The following DGKB variants were observed in gnomAD, a reference collection of about 807,000 sequenced individuals.
DGKB encodes diacylglycerol kinase beta.
Under a neutral mutation model 114.3 loss-of-function variants are expected in DGKB, and 67 were observed. The observed-to-expected ratio is 0.59, with a 90% CI of 0.48 to 0.72. The LOEUF (loss-of-function observed/expected upper bound fraction) is 0.72. Ranked by LOEUF, DGKB falls within the 30% of genes least tolerant of loss-of-function variation. The pLI is 0.00. For synonymous variants in DGKB, 398 were observed against 323.1 expected (o/e 1.23, Z -2.49); for missense variants, 907 against 975.2 (o/e 0.93, Z 0.93).
rs1252567876 is a variant in DGKB at position 14,148,348 on chromosome 7, T to C, written c.*783A>G. ...GTGGGAAACACATTGATTAGGCACA[T>C]AGTTTAAAACTTCTATTTCGTTATT... On this transcript the variant is annotated 3_prime_UTR_variant, in exon 26 of 26. Coordinates refer to ENST00000402815, the MANE Select transcript of DGKB (RefSeq NM_001350709.2). 1 of 152,614 alleles carries C rather than the reference T, an allele frequency of 6.6e-6. No homozygotes were observed. Among genetic ancestry groups the C allele is most frequent in the Non-Finnish European group, 1.5e-5 (1 of 68,030 alleles). The allele number at this position is 152,614 out of a possible 1,614,324, so 9.5% of individuals were successfully genotyped here.
intron 25 of DGKB, among the ~76,000 whole-genome samples, chr7:14,164,483 G>T (rs1784357254): frequency 6.6e-6 from 1 of 152,212 alleles, no homozygotes; most frequent in South Asian, 2.1e-4. Context: ...GGAGATTCAA[G>T]AGTTATGTAA....
intron 15 of DGKB, among the ~76,000 whole-genome samples, chr7:14,620,434 T>G (rs1031654512): frequency 4.0e-5 from 6 of 151,126 alleles, no homozygotes; most frequent in Admixed American, 3.3e-4. Flanking sequence ...GCTCTCATAT[T>G]GAAAAAATAC....
At chr7:14,277,392 C>T (rs563051356) in intron 23 of DGKB, among the ~76,000 whole-genome samples, 30 of 152,194 alleles carry the variant, frequency 2.0e-4, no homozygotes, top group Admixed American at 9.8e-4. Context: ...AGGCTGGTCT[C>T]GAACGCCTGG....
chr7:14,398,327 A>G (rs1208359426), intron 21 of DGKB, among the ~76,000 whole-genome samples: 3 of 152,090 alleles, frequency 2.0e-5, no homozygotes, highest in Admixed American at 6.6e-5. Context: ...TTGTGAATAC[A>G]AAATGAAAAT....
At chr7:14,908,245 A>G (rs184002188), upstream of DGKB, among the ~76,000 whole-genome samples, 110 of 152,306 alleles carry the variant, frequency 7.2e-4, no homozygotes, top group African/African-American at 2.6e-3. Flanking sequence ...TACATAGGCC[A>G]ATTTAACTAG....
chr7:14,436,892 G>A (rs938104106), intron 21 of DGKB, among the ~76,000 whole-genome samples: 1 of 152,032 alleles, frequency 6.6e-6, no homozygotes, highest in African/African-American at 2.4e-5. Flanking sequence ...ATGAACCCCA[G>A]AGTAAAATTA....
At chr7:14,777,842 T>C (rs1311323148) in intron 2 of DGKB, among the ~76,000 whole-genome samples, 1 of 152,184 alleles carries the variant, frequency 6.6e-6, no homozygotes, top group African/African-American at 2.4e-5. Flanking sequence ...GTTTTTTTTC[T>C]TTTTTAATAT....
intron 23 of DGKB, among the ~76,000 whole-genome samples, chr7:14,228,646 G>A (rs940915340): frequency 5.3e-5 from 8 of 151,886 alleles, no homozygotes; most frequent in Non-Finnish European, 1.0e-4. Flanking sequence ...CAAAACTAAT[G>A]GATGTGAGCA....
chr7:14,263,169 T>C (rs1209664450), intron 23 of DGKB, among the ~76,000 whole-genome samples: 1 of 152,188 alleles, frequency 6.6e-6, no homozygotes. Context: ...AGATTAATTA[T>C]TGATAACATA....
intron 23 of DGKB, among the ~76,000 whole-genome samples, chr7:14,234,219 CAA>C (rs766327113): frequency 1.3e-5 from 2 of 152,020 alleles, no homozygotes; most frequent in African/African-American, 2.4e-5. Flanking sequence ...CTCCGTCTCA[CAA>C]ACACAGTTGC....
At chr7:14,267,111 T>G (rs535043438) in intron 23 of DGKB, among the ~76,000 whole-genome samples, 1 of 152,298 alleles carries the variant, frequency 6.6e-6, no homozygotes, top group Middle Eastern at 3.4e-3. Flanking sequence ...CCACAAGTTT[T>G]TTGATGTTTT....
At position 14,910,262 on chromosome 7, in the gene DGKB, GAA is replaced by G. The variant is rs1326281215; in HGVS notation, c.-188+64432_-188+64433del. 3.5e-3 allele frequency among the ~76,000 whole-genome samples: 405 copies of G among 116,822 alleles called. 4 individuals carry two copies. The highest frequency in any genetic ancestry group is 0.014 in the African/African-American group (383 of 27,352). 76.6% of individuals were successfully genotyped at this position (116,822 alleles called of 152,430 possible). A position where few individuals can be genotyped will look rare whatever the true frequency, so the allele number is the denominator to read the frequency against. The stretch of plus-strand genomic sequence containing the variant: ...TCAAAAAAAGAAAGAAAGAAAGAAA[GAA>G]AGAAAGAAAGAAAGAAAGAAAGAAA... On this transcript the variant is annotated intron_variant, in intron 1 of 4. Coordinates refer to the DGKB transcript ENST00000437998.
At chr7:14,530,601 G>A (rs1329944091) in intron 20 of DGKB, among the ~76,000 whole-genome samples, 1 of 151,322 alleles carries the variant, frequency 6.6e-6, no homozygotes, top group Non-Finnish European at 1.5e-5. Flanking sequence ...TACGATATTG[G>A]GATTTCCATG....
At chr7:14,314,947 T>C (rs1585085588) in intron 23 of DGKB, among the ~76,000 whole-genome samples, 1 of 151,538 alleles carries the variant, frequency 6.6e-6, no homozygotes, top group African/African-American at 2.4e-5. Context: ...GCAGAAACCC[T>C]ACAAGCCAGA....
rs184827988 is a variant in DGKB, at chr7:14,897,088, T to A, written c.-188+5504A>T. On this transcript the variant is annotated intron_variant, in intron 1 of 25. Transcript: ENST00000402815. ...CTCATCCCATCTGTCCTTCCCCTGA[T>A]TATTTGATAACTGATTCATGTGGAT... Among the ~76,000 whole-genome samples the A allele has an allele frequency of 1.6e-3, 247 of 151,942 alleles. 1 individual carries two copies. Among genetic ancestry groups the A allele is most frequent in the Non-Finnish European group, 2.7e-3 (184 of 67,858 alleles).
At chr7:14,675,420 T>C (rs1398339448) in intron 12 of DGKB, among the ~76,000 whole-genome samples, 1 of 151,970 alleles carries the variant, frequency 6.6e-6, no homozygotes, top group East Asian at 1.9e-4. Context: ...AATTTGATGA[T>C]AGTTTGGGGG....
chr7:14,486,083 C>T (rs1318453679), intron 20 of DGKB, among the ~76,000 whole-genome samples: 1 of 152,038 alleles, frequency 6.6e-6, no homozygotes, highest in Non-Finnish European at 1.5e-5. Context: ...AATAATTATT[C>T]CATAAAGTTG....
At chr7:14,885,331 A>T (rs920212715) in intron 1 of DGKB, among the ~76,000 whole-genome samples, 1 of 152,008 alleles carries the variant, frequency 6.6e-6, no homozygotes, top group African/African-American at 2.4e-5. Context: ...ACAGACATAT[A>T]GGAGGCAAAC....
At chr7:14,424,391 C>T (rs1209550253) in intron 21 of DGKB, among the ~76,000 whole-genome samples, 1 of 146,054 alleles carries the variant, frequency 6.8e-6, no homozygotes, top group Admixed American at 6.7e-5. Flanking sequence ...CCACCTGTCC[C>T]ATTTTCTTCA....
Sources: gnomAD v4.1 joint callset for allele counts (sites outside exome capture counted in the v4.1 genomes callset) on GRCh38, gnomAD v4.1.1 for gene constraint, MANE v1.5 for transcripts, NCBI Gene and HGNC (gene_info 2026-07-23, HGNC 2026-07-21) for gene names.